The following XPR1 variants were observed in gnomAD, a reference collection of about 807,000 sequenced individuals.
XPR1 encodes solute carrier family 53 member 1.
Under a neutral mutation model 87.5 loss-of-function variants are expected in XPR1, and 28 were observed. The observed-to-expected ratio is 0.32, with a 90% CI of 0.24 to 0.44. The LOEUF (loss-of-function observed/expected upper bound fraction) is 0.44. Ranked by LOEUF, XPR1 falls within the 20% of genes least tolerant of loss-of-function variation. XPR1 has a pLI of 1.00. For synonymous variants in XPR1, 300 were observed against 306.1 expected (o/e 0.98, Z 0.21); for missense variants, 559 against 862.3 (o/e 0.65, Z 4.41).
At chr1:180,840,229 C>CAAAAA (rs5779073) in intron 11 of XPR1, among the ~76,000 whole-genome samples, 1 of 66,846 alleles carries the variant, frequency 1.5e-5, no homozygotes, top group Non-Finnish European at 3.2e-5. Flanking sequence ...GACTCTGTCT[C>CAAAAA]AAAAAAAAAA....
chr1:180,652,689 C>G (rs1655336282), intron 1 of XPR1, among the ~76,000 whole-genome samples: 1 of 152,044 alleles, frequency 6.6e-6, no homozygotes, highest in Non-Finnish European at 1.5e-5. Context: ...TCAAGACAAA[C>G]CAAAGATGTT....
chr1:180,882,517 C>G lies in XPR1; in HGVS notation c.2031-1489C>G, dbSNP rs550890363. ...CACTACACGCCTGCACCCCTCTGCC[C>G]AGCTAATTTTTTATTTTTTATAGAG... On this transcript the variant is annotated intron_variant, in intron 14 of 14. Transcript: ENST00000367590. Among the ~76,000 whole-genome samples, 13 of 152,196 alleles carry G rather than the reference C, an allele frequency of 8.5e-5. No homozygotes were observed. In the South Asian group the frequency reaches 2.3e-3, roughly 27 times the overall value.
rs534874187 is a variant in XPR1, at chr1:180,847,901, C to T, written c.1501+11185C>T. ...TGAAACTTTGTAAAACCTTTCAAAC[C>T]TTCAAGGAATGGTTTGTGCCATTTA... On this transcript the variant is annotated intron_variant, in intron 11 of 14. Coordinates refer to ENST00000367590, the MANE Select transcript of XPR1 (RefSeq NM_004736.4). Among the ~76,000 whole-genome samples, 8 of 152,224 alleles carry T rather than the reference C, an allele frequency of 5.3e-5. No homozygotes were observed. In the South Asian group the frequency reaches 1.5e-3, roughly 28 times the overall value.
intron 2 of XPR1, among the ~76,000 whole-genome samples, chr1:180,764,657 G>A (rs10914094): frequency 1 from 151,561 of 152,016 alleles, 75,555 homozygotes; most frequent in Middle Eastern, 1. Context: ...TTTTGTAGAG[G>A]TGGGGTTTTG....
chr1:180,721,551 T>G (rs555438144), intron 2 of XPR1, among the ~76,000 whole-genome samples: 1 of 152,356 alleles, frequency 6.6e-6, no homozygotes, highest in African/African-American at 2.4e-5. Flanking sequence ...GTTCATGGTT[T>G]GAAAGTCATT....
intron 2 of XPR1, among the ~76,000 whole-genome samples, chr1:180,761,400 C>T (rs1404173511): frequency 2.0e-5 from 3 of 152,106 alleles, no homozygotes; most frequent in Non-Finnish European, 1.5e-5. Flanking sequence ...CCAGAATCTA[C>T]GATGAACTCA....
At chr1:180,848,173 A>C (rs2102186005) in intron 11 of XPR1, among the ~76,000 whole-genome samples, 1 of 152,276 alleles carries the variant, frequency 6.6e-6, no homozygotes, top group South Asian at 2.1e-4. Context: ...TTGTGTTGGT[A>C]ACACTCACTA....
chr1:180,803,980 C>G (rs115112559), intron 4 of XPR1, among the ~76,000 whole-genome samples: 2,009 of 151,256 alleles, frequency 0.013, 40 homozygotes, highest in African/African-American at 0.045. Context: ...CTTTTTTTTC[C>G]TTTCTTTTTT....
At position 180,884,448 on chromosome 1, in the gene XPR1, C is replaced by T. The variant is rs16856477; in HGVS notation, c.*382C>T. The T allele has an allele frequency of 3.8e-3, 599 of 158,370 alleles. 10 individuals are homozygous for T. The highest frequency in any genetic ancestry group is 0.024 in the Admixed American group (377 of 15,452). The allele number at this position is 158,370 out of a possible 1,614,324, so 9.8% of individuals were successfully genotyped here. ...GAGATATCTCGGCTTCCGCTCAGCC[C>T]GGTTTTGACTGGTTGAAACCGGACA... On this transcript the variant is annotated 3_prime_UTR_variant, in exon 15 of 15. Coordinates refer to ENST00000367590, the MANE Select transcript of XPR1 (RefSeq NM_004736.4).
chr1:180,835,488 G>A (rs559081018), intron 10 of XPR1, among the ~76,000 whole-genome samples: 5 of 150,694 alleles, frequency 3.3e-5, no homozygotes, highest in Admixed American at 2.0e-4. Flanking sequence ...TCTTCTGGCC[G>A]TTTTCGCACC....
At chr1:180,733,249 C>T (rs1485644734) in intron 2 of XPR1, among the ~76,000 whole-genome samples, 1 of 152,186 alleles carries the variant, frequency 6.6e-6, no homozygotes, top group African/African-American at 2.4e-5. Context: ...TACCCTATGT[C>T]CGTGGGGGCT....
At chr1:180,674,842 A>T (rs1656313009) in intron 1 of XPR1, among the ~76,000 whole-genome samples, 1 of 152,220 alleles carries the variant, frequency 6.6e-6, no homozygotes, top group Non-Finnish European at 1.5e-5. Flanking sequence ...TGACACAGTA[A>T]TATAGCCATT....
chr1:180,691,774 T>C (rs1018501410), intron 2 of XPR1, among the ~76,000 whole-genome samples: 48 of 152,160 alleles, frequency 3.2e-4, no homozygotes, highest in African/African-American at 1.1e-3. Context: ...TTCATTCTTA[T>C]TATACGCTTC....
chr1:180,694,211 G>C (rs1657089235), intron 2 of XPR1, among the ~76,000 whole-genome samples: 1 of 152,134 alleles, frequency 6.6e-6, no homozygotes, highest in Non-Finnish European at 1.5e-5. Context: ...CCTCTTGCCT[G>C]GCCTCCCAAA....
intron 2 of XPR1, among the ~76,000 whole-genome samples, chr1:180,715,289 C>T (rs981983893): frequency 2.6e-5 from 4 of 152,114 alleles, no homozygotes; most frequent in Admixed American, 1.3e-4. Flanking sequence ...TATTTATGAG[C>T]GTCACTCTGC....
At chr1:180,675,777 G>A (rs1277017734) in intron 1 of XPR1, among the ~76,000 whole-genome samples, 1 of 152,148 alleles carries the variant, frequency 6.6e-6, no homozygotes, top group African/African-American at 2.4e-5. Context: ...CAGGCATGTG[G>A]TCTGGGTGAC....
At chr1:180,737,549 A>G (rs928473203) in intron 2 of XPR1, among the ~76,000 whole-genome samples, 3 of 152,208 alleles carry the variant, frequency 2.0e-5, no homozygotes, top group Non-Finnish European at 2.9e-5. Flanking sequence ...CAGCACCACA[A>G]TGAAGATACA....
chr1:180,858,704 G>A (rs1281426720), intron 11 of XPR1, among the ~76,000 whole-genome samples: 1 of 152,078 alleles, frequency 6.6e-6, no homozygotes, highest in Non-Finnish European at 1.5e-5. Flanking sequence ...TTTAAATCTA[G>A]TTATCTTTCC....
chr1:180,887,400 G>A lies in XPR1; in HGVS notation c.*3334G>A, dbSNP rs898559875. Reference sequence around the variant, plus strand: ...ATGGTAGTATAGAAAGCATTGATGTGTGTAGAGAAATTAAAAGACAAGAGT... The same window carrying A: ...ATGGTAGTATAGAAAGCATTGATGTATGTAGAGAAATTAAAAGACAAGAGT... On this transcript the variant is annotated 3_prime_UTR_variant, in exon 15 of 15. Coordinates refer to ENST00000367590, the MANE Select transcript of XPR1 (RefSeq NM_004736.4). 2 of 152,210 alleles carry A rather than the reference G, an allele frequency of 1.3e-5. No individual in the cohort carries two copies. The highest frequency in any genetic ancestry group is 2.9e-5 in the Non-Finnish European group (2 of 68,034). The allele number at this position is 152,210 out of a possible 1,614,324, so 9.4% of individuals were successfully genotyped here. A position where few individuals can be genotyped will look rare whatever the true frequency, so the allele number is the denominator to read the frequency against.
Sources: gnomAD v4.1 joint callset for allele counts (sites outside exome capture counted in the v4.1 genomes callset) on GRCh38, gnomAD v4.1.1 for gene constraint, MANE v1.5 for transcripts, NCBI Gene and HGNC (gene_info 2026-07-23, HGNC 2026-07-21) for gene names.